CDK14: variants seen among roughly 807,000 people sequenced by gnomAD.
CDK14 encodes cyclin-dependent kinase 14.
Under a neutral mutation model 60.7 loss-of-function variants are expected in CDK14, and 34 were observed. The ratio of observed to expected loss-of-function variants is 0.56; its 90% confidence interval spans 0.43 to 0.75. The LOEUF (loss-of-function observed/expected upper bound fraction) is 0.75. CDK14 is among the 30% of genes least tolerant of loss of function. The pLI is 0.00. For missense variants in CDK14, 482 were observed against 564.1 expected, an observed-to-expected ratio of 0.85 and a Z score of 1.47; for synonymous variants, 197 against 203.7, an observed-to-expected ratio of 0.97 and a Z score of 0.28.
At chr7:91,028,219 A>G (rs1207299159) in intron 10 of CDK14, among the ~76,000 whole-genome samples, 1 of 151,578 alleles carries the variant, frequency 6.6e-6, no homozygotes, top group Non-Finnish European at 1.5e-5. Context: ...CTGCACTGCA[A>G]GACATTATTT....
intron 10 of CDK14, among the ~76,000 whole-genome samples, chr7:91,008,127 C>CAAAAAA (rs56082719): frequency 0.019 from 1,173 of 62,462 alleles, 122 homozygotes; most frequent in African/African-American, 0.034. Flanking sequence ...GGGAGAAGGC[C>CAAAAAA]AAAAAAAAAA....
chr7:90,849,500 A>G (rs1790573343), intron 5 of CDK14, among the ~76,000 whole-genome samples: 1 of 151,952 alleles, frequency 6.6e-6, no homozygotes, highest in Non-Finnish European at 1.5e-5. Flanking sequence ...TTTACACATG[A>G]CATTCAAACA....
rs1290060593 is a variant in CDK14 at position 91,207,222 on chromosome 7, TATGAAGGGAATC to T, written c.*90_*101del. On this transcript the variant is annotated 3_prime_UTR_variant, in exon 15 of 15. Coordinates refer to ENST00000380050, the MANE Select transcript of CDK14 (RefSeq NM_001287135.2). ...AAAACATTAATGAAGAGGCCAATAA[TATGAAGGGAATC>T]ATGGATCAGTTTTCTTTCGCTCCCT... is the stretch of plus-strand genomic sequence containing the variant. 1.3e-5 allele frequency: 2 copies of T among 152,162 alleles called. No homozygotes were observed. The highest frequency in any genetic ancestry group is 2.9e-5 in the Non-Finnish European group (2 of 68,020). 9.4% of individuals were successfully genotyped at this position (152,162 alleles called of 1,614,324 possible).
In CDK14 at chr7:91,044,147, C is replaced by T. The variant is rs757116810; in HGVS notation, c.1042-1750C>T. 7.9e-4 allele frequency among the ~76,000 whole-genome samples: 120 copies of T among 151,664 alleles called. 1 individual carries two copies. The highest frequency in any genetic ancestry group is 1.6e-4 in the Non-Finnish European group (11 of 67,596). On this transcript the variant is annotated intron_variant, in intron 10 of 14. Transcript: ENST00000380050. The stretch of plus-strand genomic sequence containing the variant: ...ACATGTGCCCAAGGTTGTCAGGCTG[C>T]AGCTGGGTTTTATGCATTTTAGCGA...
chr7:91,095,619 A>G (rs539288501), intron 12 of CDK14, among the ~76,000 whole-genome samples: 32 of 152,352 alleles, frequency 2.1e-4, no homozygotes, highest in African/African-American at 7.2e-4. Context: ...GGTTTAACAA[A>G]TCATGATTCA....
chr7:91,206,755 GT>G (rs1171979040), intron 14 of CDK14, among the ~76,000 whole-genome samples: 3 of 152,046 alleles, frequency 2.0e-5, no homozygotes, highest in Admixed American at 6.5e-5. Flanking sequence ...TTTGTGATCC[GT>G]TTTTCTATTT....
intron 2 of CDK14, among the ~76,000 whole-genome samples, chr7:90,704,347 G>A (rs1012559741): frequency 3.9e-5 from 6 of 152,094 alleles, no homozygotes; most frequent in African/African-American, 1.2e-4. Flanking sequence ...AGTTCATAGG[G>A]ATCAGCACAG....
At chr7:91,161,399 T>TG (rs1801164647) in intron 14 of CDK14, among the ~76,000 whole-genome samples, 1 of 152,204 alleles carries the variant, frequency 6.6e-6, no homozygotes, top group Admixed American at 6.5e-5. Flanking sequence ...TAATTCACAG[T>TG]ATATCCTGAG....
At chr7:90,842,997 T>A (rs1177026198) in intron 5 of CDK14, among the ~76,000 whole-genome samples, 1 of 152,168 alleles carries the variant, frequency 6.6e-6, no homozygotes, top group Non-Finnish European at 1.5e-5. Context: ...CCTGCTTGAT[T>A]TTACTGAGAC....
chr7:90,674,317 A>C (rs143011204), intron 2 of CDK14, among the ~76,000 whole-genome samples: 2 of 152,314 alleles, frequency 1.3e-5, no homozygotes, highest in Admixed American at 6.5e-5. Flanking sequence ...TAGCTGGTGG[A>C]GGTGGCTGGG....
Position 90,596,510 on chromosome 7 carries a change from C to T in CDK14, c.-118C>T. The T allele has an allele frequency of 1.3e-6, 1 of 779,136 alleles. No homozygotes were observed. Among genetic ancestry groups the T allele is most frequent in the Non-Finnish European group, 2.1e-6 (1 of 470,394 alleles). 48.3% of individuals were successfully genotyped at this position (779,136 alleles called of 1,614,324 possible). ...CCTAGACCTGCGCGTCGCTTCCCGG[C>T]CCGCCGAGGAGGTGGTGGAGGAGGA... On this transcript the variant is annotated 5_prime_UTR_variant, in exon 1 of 15. Transcript: ENST00000380050.
In CDK14 at chr7:90,871,034, A is replaced by G. The variant is rs569043012; in HGVS notation, c.639+7765A>G. Reference sequence around the variant, plus strand: ...TTGTCCAAAGCATGTTGATCAATGAATTGACATCATCATGGAGAAAAGTCT... The same window carrying G: ...TTGTCCAAAGCATGTTGATCAATGAGTTGACATCATCATGGAGAAAAGTCT... On this transcript the variant is annotated intron_variant, in intron 6 of 14. Coordinates refer to ENST00000380050, the MANE Select transcript of CDK14 (RefSeq NM_001287135.2). 1.5e-4 allele frequency among the ~76,000 whole-genome samples: 23 copies of G among 152,262 alleles called. No individual in the cohort carries two copies. In the South Asian group the frequency reaches 4.6e-3, roughly 30 times the overall value.
At chr7:91,168,638 A>T (rs1325480543) in intron 14 of CDK14, among the ~76,000 whole-genome samples, 1 of 152,254 alleles carries the variant, frequency 6.6e-6, no homozygotes, top group East Asian at 1.9e-4. Context: ...TCTATTTTAC[A>T]TGTAGACCAA....
chr7:90,623,934 C>T (rs1779228652), intron 2 of CDK14, among the ~76,000 whole-genome samples: 1 of 152,172 alleles, frequency 6.6e-6, no homozygotes. Flanking sequence ...TCATCAGAAG[C>T]CCTGAAACCC....
At chr7:90,979,405 T>G (rs802394) in intron 9 of CDK14, 73,406 of 152,012 alleles carry the variant, frequency 0.48, 18,294 homozygotes, top group East Asian at 0.71. Context: ...CATCACTCCA[T>G]AATCCAACCA....
At chr7:90,730,647 GTCT>G (rs1256635537) in intron 3 of CDK14, among the ~76,000 whole-genome samples, 1 of 152,116 alleles carries the variant, frequency 6.6e-6, no homozygotes, top group Non-Finnish European at 1.5e-5. Flanking sequence ...CTGCATAAAT[GTCT>G]TCTTTTGAGA....
chr7:90,620,682 C>T (rs1440124458), intron 2 of CDK14, among the ~76,000 whole-genome samples: 1 of 152,134 alleles, frequency 6.6e-6, no homozygotes, highest in East Asian at 1.9e-4. Flanking sequence ...TAGAGCTGGG[C>T]TGTGCCTCTC....
chr7:91,192,714 C>G (rs989399424), intron 14 of CDK14, among the ~76,000 whole-genome samples: 1 of 152,080 alleles, frequency 6.6e-6, no homozygotes, highest in Non-Finnish European at 1.5e-5. Flanking sequence ...AGAATGGGTA[C>G]TATAGAATTA....
chr7:91,156,401 A>G (rs189071189), intron 14 of CDK14, among the ~76,000 whole-genome samples: 8 of 152,058 alleles, frequency 5.3e-5, no homozygotes, highest in Admixed American at 4.6e-4. Context: ...ATGAGCCCCG[A>G]TGGATTCTTT....
Sources: gnomAD v4.1 joint callset for allele counts (sites outside exome capture counted in the v4.1 genomes callset) on GRCh38, gnomAD v4.1.1 for gene constraint, MANE v1.5 for transcripts, NCBI Gene and HGNC (gene_info 2026-07-23, HGNC 2026-07-21) for gene names.